The following FLRT1 variants were observed in gnomAD, a reference collection of about 807,000 sequenced individuals.
FLRT1 encodes the protein fibronectin leucine rich transmembrane protein 1.
A neutral mutation model predicts 30.9 loss-of-function variants in FLRT1; 14 were observed. The ratio of observed to expected loss-of-function variants is 0.45; its 90% CI spans 0.30 to 0.71. The LOEUF (loss-of-function observed/expected upper bound fraction) is 0.71, where lower values mean the gene tolerates loss of function less well. Ranked by LOEUF, FLRT1 falls within the 30% of genes least tolerant of loss-of-function variation. FLRT1 has a pLI of 0.08. For missense variants in FLRT1, 737 were observed against 949.2 expected (o/e 0.78, Z 2.94); for synonymous variants, 368 against 430.4 (o/e 0.85, Z 1.80).
intron 1 of FLRT1, among the ~76,000 whole-genome samples, chr11:64,043,282 C>T (rs1275118040): frequency 6.6e-6 from 1 of 152,172 alleles, no homozygotes; most frequent in Non-Finnish European, 1.5e-5. Flanking sequence ...CTGCTCGGGG[C>T]TCTGAGGAGC....
chr11:64,053,010 C>T (rs1943721819), intron 1 of FLRT1, among the ~76,000 whole-genome samples: 1 of 152,236 alleles, frequency 6.6e-6, no homozygotes, highest in Non-Finnish European at 1.5e-5. Flanking sequence ...CATTCGGTTG[C>T]TTACACCCCG....
At position 64,103,507 on chromosome 11, in the gene FLRT1, A is replaced by T. The variant is rs1443880192; in HGVS notation, c.-724A>T. ...AGTGGCAGGAATACAGAGCCTTTGG[A>T]GAGTGGCTCCCTCTCAGCTCCGTCA... On this transcript the variant is annotated 5_prime_UTR_variant, in exon 2 of 3. Coordinates refer to ENST00000682287, the MANE Select transcript of FLRT1 (RefSeq NM_013280.5). 6.6e-6 allele frequency: 1 copy of T among 151,728 alleles called. No homozygotes were observed. Among genetic ancestry groups the T allele is most frequent in the East Asian group, 1.9e-4 (1 of 5,148 alleles). The allele number at this position is 151,728 out of a possible 1,614,324, so 9.4% of individuals were successfully genotyped here.
rs1943377432 is a variant in FLRT1, at chr11:64,036,228, GCGGGGGC to G, written c.-1038+78_-1038+84del. 6.6e-6 allele frequency: 1 copy of G among 152,234 alleles called. No homozygotes were observed. The highest frequency in any genetic ancestry group is 1.5e-5 in the Non-Finnish European group (1 of 68,064). 9.4% of individuals were successfully genotyped at this position (152,234 alleles called of 1,614,324 possible). ...GGGACAGGGCGCCAGAGCCGACGGG[GCGGGGGC>G]CGGGGGCCCGGGGGCACCGAAGCGC... On this transcript the variant is annotated intron_variant, in intron 1 of 2. Transcript: ENST00000682287. This position sits in a 1 kb window ranked among gnomAD's most constrained non-coding sequence, Gnocchi z 5.6.
rs1256474691 is a variant in FLRT1, at chr11:64,103,734, G to C, written c.-497G>C. The C allele has an allele frequency of 6.6e-6, 1 of 152,312 alleles. No homozygotes were observed. Among genetic ancestry groups the C allele is most frequent in the East Asian group, 1.9e-4 (1 of 5,196 alleles). 9.4% of individuals were successfully genotyped at this position (152,312 alleles called of 1,614,324 possible). A position where few individuals can be genotyped will look rare whatever the true frequency, so the allele number is the denominator to read the frequency against. On this transcript the variant is annotated 5_prime_UTR_variant, in exon 2 of 3. Transcript: ENST00000682287. ...CAGAGGCCACCCTGCTCAGGGCTGG[G>C]TGCCAGGCCACAGGGCATGCCCGAC...
At chr11:64,039,011 C>T (rs1943434761) in intron 1 of FLRT1, among the ~76,000 whole-genome samples, 1 of 152,170 alleles carries the variant, frequency 6.6e-6, no homozygotes, top group South Asian at 2.1e-4. Context: ...GTCTACACCC[C>T]TCGTTCACTG....
At chr11:64,088,086 C>T (rs757865746) in intron 1 of FLRT1, among the ~76,000 whole-genome samples, 1 of 152,196 alleles carries the variant, frequency 6.6e-6, no homozygotes, top group Admixed American at 6.5e-5. Context: ...CCCATAGGCA[C>T]TTGGCCCCTC....
rs1028666765 is a variant in FLRT1, at chr11:64,036,931, G to T, written c.-1038+772G>T. On this transcript the variant is annotated intron_variant, in intron 1 of 2. Transcript: ENST00000682287. The surrounding 1 kb of genome is among the most constrained non-coding windows in gnomAD (Gnocchi z 5.6). The stretch of plus-strand genomic sequence containing the variant: ...GGGGAGTGTTGTCGCCCAGCTGCAG[G>T]GAACCGTGGTTGATCAGAGCTCCCC... 6.6e-6 allele frequency among the ~76,000 whole-genome samples: 1 copy of T among 152,212 alleles called. No individual in the cohort carries two copies. The highest frequency in any genetic ancestry group is 2.4e-5 in the African/African-American group (1 of 41,456).
Position 64,036,827 on chromosome 11 carries a change from C to T in FLRT1, c.-1038+668C>T, listed in dbSNP as rs1353589036. Among the ~76,000 whole-genome samples, 2 of 152,172 alleles carry T rather than the reference C, an allele frequency of 1.3e-5. No homozygotes were observed. The highest frequency in any genetic ancestry group is 4.8e-5 in the African/African-American group (2 of 41,448). ...GCGGCGGGCACCCCCCATCCCCCAG[C>T]TCTCAAGACAAGGAGGCGGCCCGAC... On this transcript the variant is annotated intron_variant, in intron 1 of 2. Transcript: ENST00000682287. This position sits in a 1 kb window ranked among gnomAD's most constrained non-coding sequence, Gnocchi z 5.6.
At chr11:64,045,477 G>A (rs1015775730) in intron 1 of FLRT1, among the ~76,000 whole-genome samples, 7 of 152,224 alleles carry the variant, frequency 4.6e-5, no homozygotes, top group South Asian at 2.1e-4. Context: ...TTTCTGCAGC[G>A]TGGGCCCTGC....
intron 2 of FLRT1, among the ~76,000 whole-genome samples, chr11:64,113,806 GAAT>G (rs1944909316): frequency 2.7e-5 from 4 of 148,082 alleles, no homozygotes; most frequent in African/African-American, 2.5e-5. Flanking sequence ...CATGATGGAT[GAAT>G]GAACAGGTGG....
In FLRT1 at chr11:64,036,368, G is replaced by T. The variant is rs960061532; in HGVS notation, c.-1038+209G>T. 1.3e-5 allele frequency among the ~76,000 whole-genome samples: 2 copies of T among 152,172 alleles called. No individual in the cohort carries two copies. The highest frequency in any genetic ancestry group is 2.9e-5 in the Non-Finnish European group (2 of 68,016). On this transcript the variant is annotated intron_variant, in intron 1 of 2. Transcript: ENST00000682287. The surrounding 1 kb of genome is among the most constrained non-coding windows in gnomAD (Gnocchi z 5.6). ...GAGTCAAGAGCCAAGCACCAGTAGC[G>T]GTGGCGCTGGCCCCGCCGCGGGGAG...
intron 1 of FLRT1, among the ~76,000 whole-genome samples, chr11:64,059,544 C>A (rs560508194): frequency 6.6e-6 from 1 of 152,318 alleles, no homozygotes; most frequent in African/African-American, 2.4e-5. Context: ...CTGCAGGGTA[C>A]TTCCACCCTC....
chr11:64,088,911 C>T (rs537917769), intron 1 of FLRT1, among the ~76,000 whole-genome samples: 3 of 152,106 alleles, frequency 2.0e-5, no homozygotes, highest in African/African-American at 7.2e-5. Flanking sequence ...AAGTCATGGG[C>T]GGGGTTAGGA....
rs5792312 is a variant in FLRT1 at position 64,118,927 on chromosome 11, TAA to T, written c.*646_*647del. ...TTCTTTGAACAATCATGTAGTCGAT[TAA>T]AAAAAAAAAACAAACTTTTTTTTCC... On this transcript the variant is annotated 3_prime_UTR_variant, in exon 3 of 3. Coordinates refer to ENST00000682287, the MANE Select transcript of FLRT1 (RefSeq NM_013280.5). The T allele has an allele frequency of 3.8e-5, 6 of 157,596 alleles. No individual in the cohort carries two copies. 9.8% of individuals were successfully genotyped at this position (157,596 alleles called of 1,614,324 possible). A position where few individuals can be genotyped will look rare whatever the true frequency, so the allele number is the denominator to read the frequency against.
At chr11:64,059,985 C>T (rs1376796720) in intron 1 of FLRT1, among the ~76,000 whole-genome samples, 2 of 152,114 alleles carry the variant, frequency 1.3e-5, no homozygotes, top group Admixed American at 6.5e-5. Context: ...TACTGAGGGC[C>T]GGGAAGGGCG....
At chr11:64,040,883 C>T (rs1034693242) in intron 1 of FLRT1, among the ~76,000 whole-genome samples, 2 of 152,034 alleles carry the variant, frequency 1.3e-5, no homozygotes, top group African/African-American at 4.8e-5. Flanking sequence ...CCAGGCAGAC[C>T]GCAGGACCCA....
intron 1 of FLRT1, among the ~76,000 whole-genome samples, chr11:64,052,265 AAC>A (rs1217593212): frequency 2.0e-5 from 3 of 152,092 alleles, no homozygotes; most frequent in Admixed American, 2.0e-4. Context: ...GGGGAAAAAA[AAC>A]AACTTTTTTT....
At chr11:64,077,378 G>A (rs949967696) in intron 1 of FLRT1, among the ~76,000 whole-genome samples, 1 of 152,186 alleles carries the variant, frequency 6.6e-6, no homozygotes, top group Non-Finnish European at 1.5e-5. Context: ...CCCCTGTCAC[G>A]GGGCTGCCCT....
In FLRT1 at chr11:64,118,441, G is replaced by A; in HGVS notation, c.*149G>A. 1 of 960,118 alleles carries A rather than the reference G, an allele frequency of 1.0e-6. No homozygotes were observed. The highest frequency in any genetic ancestry group is 1.5e-6 in the Non-Finnish European group (1 of 686,460). 59.5% of individuals were successfully genotyped at this position (960,118 alleles called of 1,614,324 possible). Reference sequence around the variant, plus strand: ...CAGAAAGCAAAGTTTGGGGAGGGCTGACGATTTTGTAGAACACAACAGTGA... The same window carrying A: ...CAGAAAGCAAAGTTTGGGGAGGGCTAACGATTTTGTAGAACACAACAGTGA... On this transcript the variant is annotated 3_prime_UTR_variant, in exon 3 of 3. Transcript: ENST00000682287.
Sources: gnomAD v4.1 joint callset for allele counts (sites outside exome capture counted in the v4.1 genomes callset) on GRCh38, gnomAD v4.1.1 for gene constraint, Gnocchi (gnomAD v3.1) non-coding constraint, MANE v1.5 for transcripts, NCBI Gene and HGNC (gene_info 2026-07-23, HGNC 2026-07-21) for gene names.